Variants in TYK2 observed in about 807,000 individuals in gnomAD.
TYK2 encodes tyrosine kinase 2, also known as non-receptor tyrosine-protein kinase TYK2.
In TYK2, 65 loss-of-function variants were observed where a neutral mutation model predicts 130.9. The ratio of observed to expected loss-of-function variants is 0.50; its 90% CI spans 0.41 to 0.61. The LOEUF (loss-of-function observed/expected upper bound fraction) is 0.61. Among genes scored for constraint, TYK2 ranks in the 20% least tolerant of loss-of-function variants. The probability of loss-of-function intolerance (pLI) is 0.00; values close to 1 mark genes in which losing one functional copy is unlikely to be tolerated. For missense variants in TYK2, 1,378 were observed against 1,610.7 expected, an observed-to-expected ratio of 0.86 and a Z score of 2.47; for synonymous variants, 647 against 658.9, an observed-to-expected ratio of 0.98 and a Z score of 0.28.
At chr19:10,351,026 T>A (rs1599322998) in intron 24 of TYK2, 26 bp downstream of exon 24, 1 of 1,613,780 alleles carries the variant, frequency 6.2e-7, no homozygotes, top group Admixed American at 1.7e-5. Context: ...GATAGTGGGG[T>A]CAGGGAAAGA....
At chr19:10,371,501 G>A (rs1435855348) in intron 3 of TYK2, among the ~76,000 whole-genome samples, 8 of 151,844 alleles carry the variant, frequency 5.3e-5, no homozygotes, top group African/African-American at 9.7e-5. Flanking sequence ...TTAGCTGGGC[G>A]TGGTGGCGCA....
At chr19:10,372,060 C>T (rs1336527740) in intron 3 of TYK2, among the ~76,000 whole-genome samples, 6 of 151,830 alleles carry the variant, frequency 4.0e-5, no homozygotes, top group East Asian at 1.9e-4. Flanking sequence ...GCTCAATCTC[C>T]GCTCACTGCA....
At chr19:10,374,954 C>G (rs985165858) in intron 3 of TYK2, among the ~76,000 whole-genome samples, 22 of 151,374 alleles carry the variant, frequency 1.5e-4, no homozygotes, top group African/African-American at 4.6e-4. Flanking sequence ...GAAGCCAAGG[C>G]GGGTGGATGG....
intron 2 of TYK2, among the ~76,000 whole-genome samples, chr19:10,379,004 G>A (rs1285371102): frequency 3.9e-5 from 6 of 151,938 alleles, no homozygotes; most frequent in African/African-American, 1.2e-4. Context: ...AGTAGCTGGC[G>A]CCTGCCACCA....
At chr19:10,369,580 C>A (rs1357886490) in intron 3 of TYK2, among the ~76,000 whole-genome samples, 1 of 152,096 alleles carries the variant, frequency 6.6e-6, no homozygotes, top group Admixed American at 6.6e-5. Context: ...CTCCCACCTG[C>A]TCCAAAACAG....
chr19:10,370,313 C>A lies in TYK2; in HGVS notation c.194-1895G>T, dbSNP rs147900086. 7.9e-3 allele frequency among the ~76,000 whole-genome samples: 1,180 copies of A among 148,920 alleles called. 14 individuals carry two copies. The highest frequency in any genetic ancestry group is 0.027 in the African/African-American group (1,102 of 40,428). ...GGCGGAGGTTGCAGTGAGCCAAGATCGTGCCACTGAGCTCCAGCCTGGGCG... is the reference window on the plus strand; with the variant it reads ...GGCGGAGGTTGCAGTGAGCCAAGATAGTGCCACTGAGCTCCAGCCTGGGCG... On this transcript the variant is annotated intron_variant, in intron 3 of 24. Coordinates refer to ENST00000525621, the MANE Select transcript of TYK2 (RefSeq NM_003331.5).
chr19:10,353,458 G>A lies in TYK2; in HGVS notation c.3027+70C>T. On this transcript the variant is annotated intron_variant, in intron 21 of 24. Coordinates refer to ENST00000525621, the MANE Select transcript of TYK2 (RefSeq NM_003331.5). This position sits in a 1 kb window ranked among gnomAD's most constrained non-coding sequence, Gnocchi z 6.9. Reference sequence around the variant, plus strand: ...GCGGAGCGTGAGAGCAGACTGCACCGGATCGCTCAGGCCAGCCCAAGCTGA... The same window carrying A: ...GCGGAGCGTGAGAGCAGACTGCACCAGATCGCTCAGGCCAGCCCAAGCTGA... 2 of 1,138,722 alleles carry A rather than the reference G, an allele frequency of 1.8e-6. No individual in the cohort carries two copies. The highest frequency in any genetic ancestry group is 1.6e-5 in the African/African-American group (1 of 63,812). 70.5% of individuals were successfully genotyped at this position (1,138,722 alleles called of 1,614,324 possible).
intron 17 of TYK2, chr19:10,357,159 TG>T: frequency 7.8e-6 from 3 of 383,068 alleles, no homozygotes; most frequent in Non-Finnish European, 1.5e-5. Context: ...GAGGCCGAGG[TG>T]GGCGGATCAC....
chr19:10,368,658 G>T, intron 3 of TYK2: 1 of 519,114 alleles, frequency 1.9e-6, no homozygotes. Context: ...TTGCACTGCT[G>T]GTTTCTGGCC....
intron 19 of TYK2, 107 bp from the exon 20 acceptor site, chr19:10,354,341 C>T (rs2040972733): frequency 1.1e-5 from 15 of 1,422,568 alleles, no homozygotes; most frequent in Non-Finnish European, 1.5e-5. Flanking sequence ...TCGGAATACC[C>T]CAGGCCCCGC....
chr19:10,357,797 T>C lies in TYK2; in HGVS notation c.2433A>G (p.Gly811=). 1 of 1,613,196 alleles carries C rather than the reference T, an allele frequency of 6.2e-7. No homozygotes were observed. The highest frequency in any genetic ancestry group is 1.1e-5 in the South Asian group (1 of 91,030). The stretch of plus-strand genomic sequence containing the variant: ...GACTGCGGCTCTGCAGAGGGGCCTC[T>C]CCGTCAAAGCAGATCTCCAGGAGGG... ...GATLLEICFD[G]EAPLQSRSPS... The change falls in exon 17 of 25, where the codon GGA becomes GGG. Residue 811 remains glycine (G), a synonymous_variant. Transcript: ENST00000525621.
At chr19:10,378,882 T>TTATCTTATC (rs1555723142) in intron 2 of TYK2, among the ~76,000 whole-genome samples, 3 of 137,228 alleles carry the variant, frequency 2.2e-5, no homozygotes, top group Non-Finnish European at 3.2e-5. Flanking sequence ...CTTATCTTAT[T>TTATCTTATC]TTTGAGACAG....
rs1599349032 is a variant in TYK2, at chr19:10,364,506, A to G, written c.1367+108T>C. On this transcript the variant is annotated intron_variant, in intron 9 of 24. Transcript: ENST00000525621. The surrounding 1 kb of genome is among the most constrained non-coding windows in gnomAD (Gnocchi z 4.9). ...TCCAGTTTGGGCGACAAAAAATAAA[A>G]AAAAAATAAGACGTGCACCTACACA... The G allele has an allele frequency of 2.4e-5, 33 of 1,355,460 alleles. No homozygotes were observed. In the East Asian group the frequency reaches 7.4e-4, roughly 30 times the overall value. The allele number at this position is 1,355,460 out of a possible 1,614,324, so 84.0% of individuals were successfully genotyped here. A position where few individuals can be genotyped will look rare whatever the true frequency, so the allele number is the denominator to read the frequency against.
chr19:10,367,902 A>G (rs1274040011), intron 5 of TYK2, among the ~76,000 whole-genome samples, 153 bp downstream of exon 5: 2 of 147,734 alleles, frequency 1.4e-5, no homozygotes, highest in Admixed American at 1.4e-4. Flanking sequence ...CCTGGGCGAC[A>G]GAGCAAGACT....
At chr19:10,357,723 G>A (rs1261974561) in intron 17 of TYK2, 41 bp downstream of exon 17, 2 of 1,564,932 alleles carry the variant, frequency 1.3e-6, no homozygotes, top group Admixed American at 1.9e-5. Flanking sequence ...TCTTGGAGGG[G>A]CCCCCACTGC....
At position 10,354,247 on chromosome 19, in the gene TYK2, G is replaced by A; in HGVS notation, c.2716-13C>T. On this transcript the variant is annotated splice_polypyrimidine_tract_variant and intron_variant, in intron 19 of 24. Coordinates refer to ENST00000525621, the MANE Select transcript of TYK2 (RefSeq NM_003331.5). ...TGCCGAAGTGACCCTGGTCGGGAGC[G>A]CACGAGGGTCAGCTCCACCTCCCCA... The A allele has an allele frequency of 1.2e-6, 2 of 1,609,446 alleles. No homozygotes were observed.
Position 10,373,675 on chromosome 19 carries a change from T to G in TYK2, c.193+4539A>C, listed in dbSNP as rs191637298. On this transcript the variant is annotated intron_variant, in intron 3 of 24. Transcript: ENST00000525621. ...ACCAGTCAAAAATAAAAAATAAAAA[T>G]AAAAGAACTAGTCAGACTGCTTCAC... Among the ~76,000 whole-genome samples the G allele has an allele frequency of 8.2e-4, 125 of 152,122 alleles. No individual in the cohort carries two copies. The Middle Eastern group carries it at 0.038, about 46-fold the overall frequency.
chr19:10,378,833 ATATCTTATCTTATCTTATCTTATCT>A (rs58371844), intron 2 of TYK2, among the ~76,000 whole-genome samples: 12 of 148,916 alleles, frequency 8.1e-5, no homozygotes, highest in South Asian at 2.1e-4. Flanking sequence ...GTTTTATTTT[ATATCTTATCTTATCTTATCTTATCT>A]TATCTTATCT....
At chr19:10,365,074 G>A in intron 7 of TYK2, 26 bp from the exon 8 acceptor site, 3 of 1,584,584 alleles carry the variant, frequency 1.9e-6, no homozygotes, top group East Asian at 2.2e-5. Context: ...GTGGGGCAGA[G>A]GATGGAGAGG....
Sources: allele counts gnomAD v4.1 joint callset (sites outside exome capture counted in the v4.1 genomes callset), GRCh38; gene constraint gnomAD v4.1.1; non-coding constraint Gnocchi (gnomAD v3.1); transcripts MANE v1.5; gene names NCBI Gene and HGNC (gene_info 2026-07-23, HGNC 2026-07-21).